CLOCK: variants seen among roughly 807,000 people sequenced by gnomAD.
CLOCK encodes the protein clock circadian regulator, also known as circadian locomoter output cycles protein kaput.
Under a neutral mutation model 118.4 loss-of-function variants are expected in CLOCK, and 43 were observed. That is an observed-to-expected ratio of 0.36 (90% CI 0.28 to 0.47). CLOCK has a LOEUF of 0.47. Ranked by LOEUF, CLOCK falls within the 20% of genes least tolerant of loss-of-function variation. The pLI, the probability that CLOCK is intolerant of heterozygous loss-of-function variation, is 1.00. For synonymous variants in CLOCK, 326 were observed against 339.2 expected, an observed-to-expected ratio of 0.96 and a Z score of 0.43; for missense variants, 846 against 999.9, an observed-to-expected ratio of 0.85 and a Z score of 2.08.
rs1459323199 is a variant in CLOCK, at chr4:55,432,289, C to A, written c.*3126G>T. ...CACTCTAAGGAGCAACTTTATTAAC[C>A]CTTCTAGTTCTCACTTGCATTTGTT... On this transcript the variant is annotated 3_prime_UTR_variant, in exon 23 of 23. Transcript: ENST00000513440. The A allele has an allele frequency of 6.6e-6, 1 of 151,960 alleles. No homozygotes were observed. The highest frequency in any genetic ancestry group is 3.4e-3 in the Middle Eastern group (1 of 294). 9.4% of individuals were successfully genotyped at this position (151,960 alleles called of 1,614,324 possible).
chr4:55,503,027 G>C (rs1418056094), intron 2 of CLOCK, among the ~76,000 whole-genome samples: 1 of 152,184 alleles, frequency 6.6e-6, no homozygotes, highest in Non-Finnish European at 1.5e-5. Context: ...GTAGAACAAT[G>C]AGAACTCTTT....
intron 1 of CLOCK, among the ~76,000 whole-genome samples, chr4:55,528,237 T>C (rs1730326512): frequency 1.3e-5 from 2 of 151,852 alleles, no homozygotes; most frequent in Non-Finnish European, 2.9e-5. Context: ...TCCCAGCTAC[T>C]TGGGAGGCTG....
At chr4:55,515,453 C>T (rs568438972) in intron 1 of CLOCK, among the ~76,000 whole-genome samples, 83 of 152,340 alleles carry the variant, frequency 5.4e-4, no homozygotes, top group African/African-American at 1.9e-3. Flanking sequence ...CGGCTCACTG[C>T]AGCCTCCGCC....
chr4:55,497,124 T>C (rs1289018885), intron 2 of CLOCK, among the ~76,000 whole-genome samples: 1 of 152,148 alleles, frequency 6.6e-6, no homozygotes, highest in Non-Finnish European at 1.5e-5. Context: ...TGGGCTAAAA[T>C]CAAGGTGGGC....
At position 55,435,258 on chromosome 4, in the gene CLOCK, G is replaced by T; in HGVS notation, c.*157C>A. 1.2e-6 allele frequency: 1 copy of T among 809,052 alleles called. No individual in the cohort carries two copies. The highest frequency in any genetic ancestry group is 2.0e-6 in the Non-Finnish European group (1 of 491,178). 50.1% of individuals were successfully genotyped at this position (809,052 alleles called of 1,614,324 possible). A position where few individuals can be genotyped will look rare whatever the true frequency, so the allele number is the denominator to read the frequency against. On this transcript the variant is annotated 3_prime_UTR_variant, in exon 23 of 23. Transcript: ENST00000513440. The stretch of plus-strand genomic sequence containing the variant: ...ATTTAATGTACATCTGTAGCACTAG[G>T]CAGCATTTTCTCTGCCAACTAATTC...
At chr4:55,488,107 T>C (rs1046553627) in intron 3 of CLOCK, among the ~76,000 whole-genome samples, 3 of 152,218 alleles carry the variant, frequency 2.0e-5, no homozygotes, top group Admixed American at 6.5e-5. Context: ...CCAAGTCTAA[T>C]GGCTGTTTTA....
chr4:55,449,578 A>C, intron 16 of CLOCK, 82 bp from the exon 17 acceptor site: 1 of 1,198,574 alleles, frequency 8.3e-7, no homozygotes, highest in East Asian at 2.5e-5. Flanking sequence ...TATTTCAGTT[A>C]ATAAAAATGG....
At chr4:55,526,127 C>T (rs1298195771) in intron 1 of CLOCK, among the ~76,000 whole-genome samples, 1 of 152,130 alleles carries the variant, frequency 6.6e-6, no homozygotes, top group African/African-American at 2.4e-5. Context: ...CGCTTCTAAT[C>T]CCAAGCATTT....
rs759583844 is a variant in CLOCK, at chr4:55,455,990, T to C, written c.889A>G (p.Ile297Val). Residue 297 changes from isoleucine to valine, a missense_variant, in exon 13 of 23, where the codon ATA becomes GTA. By Grantham distance (29) the Ile-to-Val change is conservative. Coordinates refer to ENST00000513440, the MANE Select transcript of CLOCK (RefSeq NM_004898.4). The stretch of plus-strand genomic sequence containing the variant: ...AGAACTTCAAATGGCAAATACCCTA[T>C]TATGGGTGGTGCCCTAAATTACACA... ...LFLDHRAPPI[I>V]GYLPFEVLGT... is the part of the protein sequence containing the mutation. 1.2e-6 allele frequency: 2 copies of C among 1,611,862 alleles called. No individual in the cohort carries two copies. The highest frequency in any genetic ancestry group is 1.7e-6 in the Non-Finnish European group (2 of 1,178,186).
At chr4:55,483,463 C>T (rs1727071483) in intron 3 of CLOCK, among the ~76,000 whole-genome samples, 1 of 152,132 alleles carries the variant, frequency 6.6e-6, no homozygotes, top group Non-Finnish European at 1.5e-5. Context: ...GGATGGGCAG[C>T]ATCACCATCC....
intron 9 of CLOCK, among the ~76,000 whole-genome samples, 196 bp from the exon 10 acceptor site, chr4:55,459,457 T>C (rs1725167996): frequency 6.6e-6 from 1 of 152,114 alleles, no homozygotes; most frequent in Non-Finnish European, 1.5e-5. Flanking sequence ...ATAGAAAAAA[T>C]AGATTTTCTG....
intron 1 of CLOCK, among the ~76,000 whole-genome samples, chr4:55,516,674 C>G (rs1729536666): frequency 6.6e-6 from 1 of 152,088 alleles, no homozygotes; most frequent in Non-Finnish European, 1.5e-5. Flanking sequence ...AATTGGTGTG[C>G]TGAGATCACT....
At chr4:55,499,057 T>C (rs186396280) in intron 2 of CLOCK, among the ~76,000 whole-genome samples, 8 of 152,358 alleles carry the variant, frequency 5.3e-5, no homozygotes, top group African/African-American at 1.9e-4. Flanking sequence ...TAGTTTTTAT[T>C]TTTCAGAGAA....
chr4:55,504,981 G>A (rs771989697), intron 2 of CLOCK, among the ~76,000 whole-genome samples: 11 of 151,900 alleles, frequency 7.2e-5, no homozygotes, highest in South Asian at 2.1e-4. Context: ...TCAGGAGTTC[G>A]AGACCAGCCT....
At chr4:55,456,069 A>T in intron 12 of CLOCK, 66 bp from the exon 13 acceptor site, 1 of 1,090,074 alleles carries the variant, frequency 9.2e-7, no homozygotes, top group Non-Finnish European at 1.3e-6. Context: ...TCAACTAGAA[A>T]TAAACTTTGG....
Position 55,539,486 on chromosome 4 carries a change from T to C in CLOCK, c.-290+7296A>G, listed in dbSNP as rs114323705. Among the ~76,000 whole-genome samples the C allele has an allele frequency of 2.5e-3, 353 of 142,254 alleles. 1 individual carries two copies. The highest frequency in any genetic ancestry group is 5.2e-3 in the Admixed American group (68 of 13,102). The allele number at this position is 142,254 out of a possible 152,430, so 93.3% of individuals were successfully genotyped here. On this transcript the variant is annotated intron_variant, in intron 1 of 22. Coordinates refer to ENST00000513440, the MANE Select transcript of CLOCK (RefSeq NM_004898.4). ...CTACTGAGGAGGCTGAGGTGAAGGATTGCCTGAGCCCAAAAGGTTGAGGCT... is the reference window on the plus strand; with the variant it reads ...CTACTGAGGAGGCTGAGGTGAAGGACTGCCTGAGCCCAAAAGGTTGAGGCT...
In CLOCK at chr4:55,430,767, T is replaced by C. The variant is rs1722445062; in HGVS notation, c.*4648A>G. 6.6e-6 allele frequency: 1 copy of C among 152,216 alleles called. No individual in the cohort carries two copies. Among genetic ancestry groups the C allele is most frequent in the South Asian group, 2.1e-4 (1 of 4,830 alleles). 9.4% of individuals were successfully genotyped at this position (152,216 alleles called of 1,614,324 possible). A position where few individuals can be genotyped will look rare whatever the true frequency, so the allele number is the denominator to read the frequency against. On this transcript the variant is annotated 3_prime_UTR_variant, in exon 23 of 23. Coordinates refer to ENST00000513440, the MANE Select transcript of CLOCK (RefSeq NM_004898.4). ...CACTTTTAGATTAGTTCTGTACATCTACTCACACGGATGCAATTTTCCTAG... is the reference window on the plus strand; with the variant it reads ...CACTTTTAGATTAGTTCTGTACATCCACTCACACGGATGCAATTTTCCTAG...
intron 1 of CLOCK, among the ~76,000 whole-genome samples, chr4:55,539,572 C>CAAAAAA (rs57022769): frequency 1.3e-4 from 7 of 52,064 alleles, no homozygotes; most frequent in Non-Finnish European, 1.9e-4. Context: ...GACCTTGTCT[C>CAAAAAA]AAAAAAAAAA....
intron 2 of CLOCK, among the ~76,000 whole-genome samples, chr4:55,503,860 C>A (rs1453942441): frequency 6.6e-6 from 1 of 150,812 alleles, no homozygotes; most frequent in Non-Finnish European, 1.5e-5. Context: ...CCAATATTCA[C>A]AAACTAGAAA....
Sources: allele counts gnomAD v4.1 joint callset (sites outside exome capture counted in the v4.1 genomes callset), GRCh38; gene constraint gnomAD v4.1.1; transcripts MANE v1.5; gene names NCBI Gene and HGNC (gene_info 2026-07-23, HGNC 2026-07-21).